Variants in CRTC3 observed in about 807,000 individuals in gnomAD.
CRTC3 encodes the protein CREB regulated transcription coactivator 3, also known as CREB-regulated transcription coactivator 3.
Under a neutral mutation model 74.5 loss-of-function variants are expected in CRTC3, and 26 were observed. The ratio of observed to expected loss-of-function variants is 0.35; its 90% confidence interval spans 0.26 to 0.48. The LOEUF (loss-of-function observed/expected upper bound fraction) is 0.48. Among genes scored for constraint, CRTC3 ranks in the 20% least tolerant of loss-of-function variants. The probability of loss-of-function intolerance (pLI) is 0.99; values close to 1 mark genes in which losing one functional copy is unlikely to be tolerated. For synonymous variants in CRTC3, 377 were observed against 325.8 expected (o/e 1.16, Z -1.69); for missense variants, 760 against 787.3 (o/e 0.97, Z 0.41).
Position 90,634,862 on chromosome 15 carries a change from A to C in CRTC3, c.1267-3584A>C, listed in dbSNP as rs1242188570. 12 of 1,543,898 alleles carry C rather than the reference A, an allele frequency of 7.8e-6. No homozygotes were observed. The East Asian group carries it at 1.1e-4, about 14-fold the overall frequency. ...AAGGAAAAGTATTGCAAGCAACAGTAGTCACTGTTGGATCGGGTTCTAAAG... is the reference window on the plus strand; with the variant it reads ...AAGGAAAAGTATTGCAAGCAACAGTCGTCACTGTTGGATCGGGTTCTAAAG... On this transcript the variant is annotated intron_variant, in intron 11 of 14. Coordinates refer to ENST00000268184, the MANE Select transcript of CRTC3 (RefSeq NM_022769.5).
At chr15:90,636,690 A>T (rs948816265) in intron 11 of CRTC3, among the ~76,000 whole-genome samples, 12 of 152,004 alleles carry the variant, frequency 7.9e-5, no homozygotes, top group Admixed American at 6.6e-5. Flanking sequence ...GAATCTACAA[A>T]GAACTCAAAT....
At chr15:90,549,659 A>G (rs1966850847) in intron 2 of CRTC3, among the ~76,000 whole-genome samples, 2 of 151,220 alleles carry the variant, frequency 1.3e-5, no homozygotes, top group African/African-American at 4.9e-5. Context: ...AAATATGTAA[A>G]TATGTATACA....
In CRTC3 at chr15:90,641,165, C is replaced by A; in HGVS notation, c.1617C>A (p.Ser539=). 1 of 1,613,996 alleles carries A rather than the reference C, an allele frequency of 6.2e-7. No individual in the cohort carries two copies. The highest frequency in any genetic ancestry group is 2.2e-5 in the East Asian group (1 of 44,884). The change falls in exon 14 of 15, where the codon TCC becomes TCA. Residue 539 remains serine, a synonymous_variant. Coordinates refer to ENST00000268184, the MANE Select transcript of CRTC3 (RefSeq NM_022769.5). ...TTCATTTGAGACCAAGCCCGTATTC[C>A]AACTGCGGGAGTCTCCCGAACACCA... is the stretch of plus-strand genomic sequence containing the variant. ...DSFHLRPSPY[S]NCGSLPNTIL...
chr15:90,589,174 A>G (rs1402748975), intron 2 of CRTC3, among the ~76,000 whole-genome samples: 1 of 151,862 alleles, frequency 6.6e-6, no homozygotes, highest in Non-Finnish European at 1.5e-5. Flanking sequence ...CTCCTGCCTC[A>G]GCCTCCTGAG....
intron 11 of CRTC3, 78 bp from the exon 12 acceptor site, chr15:90,638,368 C>T: frequency 7.8e-7 from 1 of 1,280,552 alleles, no homozygotes; most frequent in African/African-American, 1.5e-5. Context: ...TCCTCTCACT[C>T]TGACATTTCC....
intron 7 of CRTC3, among the ~76,000 whole-genome samples, chr15:90,615,106 C>T (rs1021329270): frequency 1.3e-5 from 2 of 150,692 alleles, no homozygotes; most frequent in African/African-American, 5.0e-5. Context: ...TAATTGATCA[C>T]TTAAACAATT....
intron 2 of CRTC3, among the ~76,000 whole-genome samples, chr15:90,568,059 C>T (rs541125831): frequency 6.6e-6 from 1 of 152,148 alleles, no homozygotes; most frequent in African/African-American, 2.4e-5. Context: ...TTGCTTCTAA[C>T]CCTATTGGAT....
rs1450402760 is a variant in CRTC3, at chr15:90,556,503, C to T, written c.231+16366C>T. Among the ~76,000 whole-genome samples the T allele has an allele frequency of 2.0e-5, 3 of 152,266 alleles. No individual in the cohort carries two copies. The East Asian group carries it at 5.8e-4, about 29-fold the overall frequency. On this transcript the variant is annotated intron_variant, in intron 2 of 14. Coordinates refer to ENST00000268184, the MANE Select transcript of CRTC3 (RefSeq NM_022769.5). ...GTGTATGTTGACTGTTCAAGAATGA[C>T]TCCAAAGTTCATGACATAAAGTAGT... is the stretch of plus-strand genomic sequence containing the variant.
chr15:90,631,438 G>A (rs945880518), intron 11 of CRTC3, among the ~76,000 whole-genome samples: 4 of 151,892 alleles, frequency 2.6e-5, no homozygotes, highest in African/African-American at 4.8e-5. Flanking sequence ...GTAGAAACAG[G>A]GTCTCCCTGG....
intron 2 of CRTC3, among the ~76,000 whole-genome samples, chr15:90,559,698 C>T (rs1966970840): frequency 6.6e-6 from 1 of 152,176 alleles, no homozygotes; most frequent in African/African-American, 2.4e-5. Flanking sequence ...GATCTTGGCT[C>T]ACTGCAACCT....
chr15:90,606,589 A>T (rs750014810), intron 5 of CRTC3, among the ~76,000 whole-genome samples: 18 of 152,280 alleles, frequency 1.2e-4, no homozygotes, highest in African/African-American at 2.9e-4. Context: ...TAAAATAAAA[A>T]AAATATTGAG....
In CRTC3 at chr15:90,641,161, A is replaced by G; in HGVS notation, c.1613A>G (p.Tyr538Cys). The G allele has an allele frequency of 6.2e-7, 1 of 1,614,090 alleles. No homozygotes were observed. ...TCTTTTCATTTGAGACCAAGCCCGTATTCCAACTGCGGGAGTCTCCCGAAC... is the reference window on the plus strand; with the variant it reads ...TCTTTTCATTTGAGACCAAGCCCGTGTTCCAACTGCGGGAGTCTCCCGAAC... ...QDSFHLRPSP[Y>C]SNCGSLPNTI... Residue 538 changes from tyrosine (Y) to cysteine (C), a missense_variant, in exon 14 of 15, where the codon TAT becomes TGT. By Grantham distance (194) the Tyr-to-Cys change is radical. Coordinates refer to ENST00000268184, the MANE Select transcript of CRTC3 (RefSeq NM_022769.5).
rs1969519142 is a variant in CRTC3 at position 90,643,391 on chromosome 15, T to A, written c.*1251T>A. Reference sequence around the variant, plus strand: ...AATCACAGTGAAGCCGGGCACTGCATTCTCCTTGGGCTGTGCTCCACGCGG... The same window carrying A: ...AATCACAGTGAAGCCGGGCACTGCAATCTCCTTGGGCTGTGCTCCACGCGG... On this transcript the variant is annotated 3_prime_UTR_variant, in exon 15 of 15. Coordinates refer to ENST00000268184, the MANE Select transcript of CRTC3 (RefSeq NM_022769.5). The A allele has an allele frequency of 4.4e-6, 1 of 228,052 alleles. No homozygotes were observed. Among genetic ancestry groups the A allele is most frequent in the African/African-American group, 2.2e-5 (1 of 44,954 alleles). The allele number at this position is 228,052 out of a possible 1,614,324, so 14.1% of individuals were successfully genotyped here.
Position 90,540,086 on chromosome 15 carries a change from A to G in CRTC3, c.180A>G (p.Gly60=), listed in dbSNP as rs1248922288. 2.5e-6 allele frequency: 4 copies of G among 1,613,280 alleles called. No individual in the cohort carries two copies. Among genetic ancestry groups the G allele is most frequent in the Middle Eastern group, 1.6e-4 (1 of 6,080 alleles). The change falls in exon 2 of 15, where the codon GGA becomes GGG. Residue 60 remains glycine, a synonymous_variant. Coordinates refer to ENST00000268184, the MANE Select transcript of CRTC3 (RefSeq NM_022769.5). The stretch of plus-strand genomic sequence containing the variant: ...AACTGCGCCTTACACAGTACCATGG[A>G]GGATCCTTACCAAATGTGAGCCAGC... The part of the protein sequence containing the change: ...LQQLRLTQYH[G]GSLPNVSQLR...
intron 1 of CRTC3, among the ~76,000 whole-genome samples, chr15:90,538,987 A>C (rs1966762908): frequency 6.6e-6 from 1 of 152,040 alleles, no homozygotes; most frequent in Admixed American, 6.5e-5. Flanking sequence ...GGTTGTGGGG[A>C]GGATTAGGGA....
intron 11 of CRTC3, among the ~76,000 whole-genome samples, chr15:90,631,203 G>A (rs1377996056): frequency 6.6e-6 from 1 of 152,166 alleles, no homozygotes; most frequent in Non-Finnish European, 1.5e-5. Flanking sequence ...TACTAGCCGT[G>A]GCGTGTTGAT....
intron 2 of CRTC3, among the ~76,000 whole-genome samples, chr15:90,582,313 T>G (rs996776110): frequency 6.6e-6 from 1 of 152,182 alleles, no homozygotes; most frequent in Non-Finnish European, 1.5e-5. Flanking sequence ...AACTTCTACT[T>G]CTGTGGAGGC....
chr15:90,620,310 T>G (rs1169342468), intron 9 of CRTC3, among the ~76,000 whole-genome samples: 2 of 152,128 alleles, frequency 1.3e-5, no homozygotes, highest in East Asian at 3.8e-4. Context: ...TTACAACAAT[T>G]TAAAAACATA....
chr15:90,538,678 C>G (rs1368689512), intron 1 of CRTC3, among the ~76,000 whole-genome samples: 1 of 151,692 alleles, frequency 6.6e-6, no homozygotes, highest in Non-Finnish European at 1.5e-5. Context: ...CTTTATTTCA[C>G]ATATACTATT....
Sources: gnomAD v4.1 joint callset for allele counts (sites outside exome capture counted in the v4.1 genomes callset) on GRCh38, gnomAD v4.1.1 for gene constraint, MANE v1.5 for transcripts, NCBI Gene and HGNC (gene_info 2026-07-23, HGNC 2026-07-21) for gene names.